VPS13A: variants seen among roughly 807,000 people sequenced by gnomAD.
The protein encoded by VPS13A is vacuolar protein sorting 13 homolog A.
A neutral mutation model predicts 390.9 loss-of-function variants in VPS13A; 264 were observed. The observed-to-expected ratio is 0.68, with a 90% CI of 0.61 to 0.75. The LOEUF is 0.75. VPS13A is among the 30% of genes least tolerant of loss of function. The pLI is 0.00. For synonymous variants in VPS13A, 1,231 were observed against 1,227.1 expected, an observed-to-expected ratio of 1.00 and a Z score of -0.07; for missense variants, 3,409 against 3,733.9, an observed-to-expected ratio of 0.91 and a Z score of 2.27.
At chr9:77,280,370 G>A (rs1389252108) in intron 27 of VPS13A, 132 bp downstream of exon 27, 6 of 661,214 alleles carry the variant, frequency 9.1e-6, no homozygotes, top group Non-Finnish European at 1.5e-5. Context: ...CTAATACTAA[G>A]GTTTTTTTTA....
chr9:77,186,593 A>G (rs1366648923), intron 1 of VPS13A, among the ~76,000 whole-genome samples: 1 of 152,082 alleles, frequency 6.6e-6, no homozygotes, highest in African/African-American at 2.4e-5. Flanking sequence ...GCATGCCACC[A>G]TGCCCAGCTA....
chr9:77,265,129 C>T (rs1458976788), intron 23 of VPS13A, among the ~76,000 whole-genome samples: 2 of 152,200 alleles, frequency 1.3e-5, no homozygotes, highest in Non-Finnish European at 2.9e-5. Flanking sequence ...ACCAGCCTTG[C>T]ATCTCAGAGA....
At chr9:77,292,752 A>T (rs1827752741) in intron 31 of VPS13A, among the ~76,000 whole-genome samples, 1 of 152,196 alleles carries the variant, frequency 6.6e-6, no homozygotes, top group African/African-American at 2.4e-5. Flanking sequence ...TTAACATTTT[A>T]CATCTCCTGT....
In VPS13A at chr9:77,417,561, G is replaced by T. The variant is rs933186287; in HGVS notation, c.*1555G>T. 6.6e-6 allele frequency: 1 copy of T among 151,410 alleles called. No individual in the cohort carries two copies. Among genetic ancestry groups the T allele is most frequent in the South Asian group, 2.1e-4 (1 of 4,806 alleles). The allele number at this position is 151,410 out of a possible 1,614,324, so 9.4% of individuals were successfully genotyped here. ...CCTTTGTTTAAAAAAAAAAAAAAGT[G>T]CTTATTTTCTCTGTCGCTAAGCTCC... On this transcript the variant is annotated 3_prime_UTR_variant, in exon 72 of 72. Coordinates refer to ENST00000360280, the MANE Select transcript of VPS13A (RefSeq NM_033305.3).
intron 68 of VPS13A, among the ~76,000 whole-genome samples, chr9:77,402,259 CT>C (rs576353833): frequency 6.3e-4 from 96 of 152,224 alleles, no homozygotes; most frequent in African/African-American, 2.3e-3. Context: ...AGTTTTTTAA[CT>C]TCTTTCTCAG....
At chr9:77,295,906 T>G in intron 33 of VPS13A, 60 bp downstream of exon 33, 7 of 1,533,046 alleles carry the variant, frequency 4.6e-6, no homozygotes, top group Non-Finnish European at 6.3e-6. Flanking sequence ...TTTTAAAGAC[T>G]TTGATGTCTT....
At chr9:77,345,242 A>G in intron 52 of VPS13A, 100 bp downstream of exon 52, 1 of 1,279,842 alleles carries the variant, frequency 7.8e-7, no homozygotes. Context: ...CACTGATAAT[A>G]GCATTGTAGC....
chr9:77,195,121 G>C (rs1046833455), intron 1 of VPS13A, among the ~76,000 whole-genome samples: 8 of 151,838 alleles, frequency 5.3e-5, no homozygotes, highest in Non-Finnish European at 1.0e-4. Flanking sequence ...TTAGCTCTTG[G>C]ATCCATTTTG....
intron 1 of VPS13A, among the ~76,000 whole-genome samples, chr9:77,194,318 T>C (rs1385983739): frequency 4.0e-4 from 60 of 149,736 alleles, no homozygotes; most frequent in Admixed American, 5.3e-4. Flanking sequence ...CAATTGGATG[T>C]GGCCAGGCAG....
In VPS13A at chr9:77,403,312, T is replaced by A; in HGVS notation, c.9266T>A (p.Ile3089Lys). The A allele has an allele frequency of 6.2e-7, 1 of 1,611,232 alleles. No individual in the cohort carries two copies. The highest frequency in any genetic ancestry group is 8.5e-7 in the Non-Finnish European group (1 of 1,179,236). ...VMINKTDMLMITRRGVLFVTK... is the reference protein window; with the variant it reads ...VMINKTDMLMKTRRGVLFVTK... ...ATCAATAAGACAGATATGCTAATGA[T>A]AACCAGACGGTAACTTGCTTTCTTT... Residue 3089 changes from isoleucine (I) to lysine (K), a missense_variant, in exon 69 of 72, where the codon ATA becomes AAA. By Grantham distance (102) the Ile-to-Lys change is moderately radical. Transcript: ENST00000360280.
At chr9:77,378,707 A>G (rs1347790499) in intron 67 of VPS13A, among the ~76,000 whole-genome samples, 4 of 151,048 alleles carry the variant, frequency 2.6e-5, no homozygotes, top group Non-Finnish European at 5.9e-5. Flanking sequence ...CTCTGCTCTA[A>G]TTTTTATTAT....
At chr9:77,253,564 C>T (rs1328116236) in intron 22 of VPS13A, among the ~76,000 whole-genome samples, 1 of 152,156 alleles carries the variant, frequency 6.6e-6, no homozygotes, top group Non-Finnish European at 1.5e-5. Context: ...CTCAGCCTCC[C>T]AAAGTGCTGG....
At chr9:77,414,862 A>G (rs1479315893) in intron 71 of VPS13A, among the ~76,000 whole-genome samples, 2 of 152,030 alleles carry the variant, frequency 1.3e-5, no homozygotes, top group African/African-American at 2.4e-5. Flanking sequence ...CACTCATACA[A>G]CACTCTGCGT....
chr9:77,318,690 A>G (rs1829549916), intron 41 of VPS13A, 99 bp downstream of exon 41: 10 of 1,197,848 alleles, frequency 8.3e-6, no homozygotes, highest in South Asian at 1.3e-5. Context: ...TTGTGTAGCT[A>G]TTTAAGCTTA....
rs1489905852 is a variant in VPS13A at position 77,227,410 on chromosome 9, A to G, written c.1377A>G (p.Thr459=). 1 of 1,613,372 alleles carries G rather than the reference A, an allele frequency of 6.2e-7. No homozygotes were observed. Among genetic ancestry groups the G allele is most frequent in the Non-Finnish European group, 8.5e-7 (1 of 1,179,610 alleles). Reference sequence around the variant, plus strand: ...TTGTAGCTCTTGAAGAAATGTTGACACCTGAAGAAAAAGCTTTACTCTATG... The same window carrying G: ...TTGTAGCTCTTGAAGAAATGTTGACGCCTGAAGAAAAAGCTTTACTCTATG... ...VQPETLEEML[T]PEEKALLYEA... The change falls in exon 16 of 72, where the codon ACA becomes ACG. Residue 459 remains threonine, a synonymous_variant. Coordinates refer to ENST00000360280, the MANE Select transcript of VPS13A (RefSeq NM_033305.3).
At chr9:77,212,557 A>G (rs1826029051) in intron 7 of VPS13A, among the ~76,000 whole-genome samples, 2 of 152,122 alleles carry the variant, frequency 1.3e-5, no homozygotes, top group Admixed American at 6.5e-5. Context: ...ATTTGTCTCA[A>G]ACTCCTGGCC....
chr9:77,250,609 A>G (rs563418624), intron 21 of VPS13A, among the ~76,000 whole-genome samples: 1 of 152,356 alleles, frequency 6.6e-6, no homozygotes, highest in Admixed American at 6.5e-5. Flanking sequence ...AAGTTGGCCC[A>G]TATTGAAAAT....
chr9:77,395,093 A>T lies in VPS13A; in HGVS notation c.9190-8143A>T, dbSNP rs537884336. Reference sequence around the variant, plus strand: ...CAAGAATTTTTCCTTTGCATTCAAGATTGGCTGTTTGGTACAAGAGGTACT... The same window carrying T: ...CAAGAATTTTTCCTTTGCATTCAAGTTTGGCTGTTTGGTACAAGAGGTACT... On this transcript the variant is annotated intron_variant, in intron 68 of 71. Transcript: ENST00000360280. Among the ~76,000 whole-genome samples the T allele has an allele frequency of 8.5e-5, 13 of 152,216 alleles. 1 individual carries two copies. The South Asian group carries it at 2.7e-3, about 32-fold the overall frequency.
intron 34 of VPS13A, among the ~76,000 whole-genome samples, chr9:77,304,053 T>C (rs1828557801): frequency 6.6e-6 from 1 of 152,124 alleles, no homozygotes; most frequent in African/African-American, 2.4e-5. Context: ...CACGAGGCCA[T>C]ATTTCAGACT....
Sources: gnomAD v4.1 joint callset for allele counts (sites outside exome capture counted in the v4.1 genomes callset) on GRCh38, gnomAD v4.1.1 for gene constraint, MANE v1.5 for transcripts, NCBI Gene and HGNC (gene_info 2026-07-23, HGNC 2026-07-21) for gene names.